The following TMCC1 variants were observed in gnomAD, a reference collection of about 807,000 sequenced individuals.
TMCC1 encodes transmembrane and coiled-coil domains protein 1.
Under a neutral mutation model 52.4 loss-of-function variants are expected in TMCC1, and 15 were observed. The ratio of observed to expected loss-of-function variants is 0.29; its 90% CI spans 0.19 to 0.44. TMCC1 has a LOEUF of 0.44. Among genes scored for constraint, TMCC1 ranks in the 20% least tolerant of loss-of-function variants. TMCC1 has a pLI of 1.00. For synonymous variants in TMCC1, 279 were observed against 301.9 expected (o/e 0.92, Z 0.79); for missense variants, 503 against 806.0 (o/e 0.62, Z 4.55).
chr3:129,672,856 C>CTAGGG (rs919100680), intron 4 of TMCC1, among the ~76,000 whole-genome samples: 4 of 152,070 alleles, frequency 2.6e-5, no homozygotes, highest in Non-Finnish European at 5.9e-5. Flanking sequence ...AATAATTAAC[C>CTAGGG]TAGGGATAAC....
intron 4 of TMCC1, among the ~76,000 whole-genome samples, chr3:129,673,059 G>T (rs1277690234): frequency 6.6e-6 from 1 of 152,098 alleles, no homozygotes; most frequent in Non-Finnish European, 1.5e-5. Context: ...AATCAAAAGA[G>T]AATTTAATAC....
intron 4 of TMCC1, among the ~76,000 whole-genome samples, chr3:129,811,971 GA>G (rs1170907280): frequency 6.7e-6 from 1 of 149,592 alleles, no homozygotes; most frequent in Non-Finnish European, 1.5e-5. Flanking sequence ...AAGAAAGAAA[GA>G]AATCAAGTTT....
At chr3:129,760,762 C>T (rs1428607701) in intron 4 of TMCC1, among the ~76,000 whole-genome samples, 1 of 151,474 alleles carries the variant, frequency 6.6e-6, no homozygotes, top group Non-Finnish European at 1.5e-5. Context: ...CAGGTGTGAG[C>T]CACCGCACCC....
chr3:129,886,679 C>T (rs753720964), intron 1 of TMCC1, among the ~76,000 whole-genome samples: 2 of 152,092 alleles, frequency 1.3e-5, no homozygotes, highest in South Asian at 2.1e-4. Context: ...ATGGCTCACA[C>T]CTGTAATCCC....
chr3:129,786,751 C>A (rs944396941), intron 4 of TMCC1, among the ~76,000 whole-genome samples: 2 of 152,152 alleles, frequency 1.3e-5, no homozygotes, highest in African/African-American at 4.8e-5. Flanking sequence ...TACTCGAGTT[C>A]CAATATATCA....
intron 4 of TMCC1, among the ~76,000 whole-genome samples, chr3:129,811,288 A>G (rs1560468160): frequency 6.6e-6 from 1 of 151,570 alleles, no homozygotes; most frequent in Non-Finnish European, 1.5e-5. Flanking sequence ...TTTTAGAGAT[A>G]GGATATCACT....
intron 4 of TMCC1, among the ~76,000 whole-genome samples, chr3:129,769,185 T>G (rs2054352427): frequency 6.6e-6 from 1 of 152,242 alleles, no homozygotes; most frequent in South Asian, 2.1e-4. Flanking sequence ...CAGGATGGCT[T>G]TGAATGCAGC....
intron 4 of TMCC1, among the ~76,000 whole-genome samples, chr3:129,764,293 G>T (rs1266719394): frequency 6.6e-6 from 1 of 152,134 alleles, no homozygotes; most frequent in Non-Finnish European, 1.5e-5. Flanking sequence ...TAGGCCTCAA[G>T]ATAAAAATTA....
chr3:129,678,110 G>A (rs2088621182), intron 4 of TMCC1, among the ~76,000 whole-genome samples: 1 of 152,006 alleles, frequency 6.6e-6, no homozygotes, highest in Non-Finnish European at 1.5e-5. Flanking sequence ...AGTGGAGGCG[G>A]GGTTTTGCCA....
At position 129,648,833 on chromosome 3, in the gene TMCC1, G is replaced by C. The variant is rs2086170563; in HGVS notation, c.*2648C>G. On this transcript the variant is annotated 3_prime_UTR_variant, in exon 7 of 7. Coordinates refer to ENST00000393238, the MANE Select transcript of TMCC1 (RefSeq NM_001017395.5). The stretch of plus-strand genomic sequence containing the variant: ...CAATGAAAGAAACTCAAAAGTAACA[G>C]GATGGGCAGCAAAAGGTACAGCAAA... The C allele has an allele frequency of 1.3e-5, 2 of 152,336 alleles. 1 individual carries two copies. Among genetic ancestry groups the C allele is most frequent in the South Asian group, 4.1e-4 (2 of 4,828 alleles). 9.4% of individuals were successfully genotyped at this position (152,336 alleles called of 1,614,324 possible).
chr3:129,748,291 T>TTTGTTGTTGTTG lies in TMCC1; in HGVS notation c.577-77039_577-77028dup, dbSNP rs527508552. 4.6e-5 allele frequency among the ~76,000 whole-genome samples: 7 copies of TTTGTTGTTGTTG among 152,188 alleles called. No individual in the cohort carries two copies. The East Asian group carries it at 1.4e-3, about 29-fold the overall frequency. On this transcript the variant is annotated intron_variant, in intron 4 of 6. Coordinates refer to ENST00000393238, the MANE Select transcript of TMCC1 (RefSeq NM_001017395.5). ...TGGGTAAATGGATGAGATTTGGGTT[T>TTTGTTGTTGTTG]TTGTTGTTGTTGTTGTTTTGAGAGG...
chr3:129,695,611 G>C (rs1316994099), intron 4 of TMCC1, among the ~76,000 whole-genome samples: 1 of 152,068 alleles, frequency 6.6e-6, no homozygotes, highest in African/African-American at 2.4e-5. Context: ...GAACTCACTA[G>C]CATGAGAACA....
At chr3:129,689,052 TTCTTC>T (rs1204413322) in intron 4 of TMCC1, among the ~76,000 whole-genome samples, 2 of 152,248 alleles carry the variant, frequency 1.3e-5, no homozygotes, top group Admixed American at 6.5e-5. Flanking sequence ...TTTGTAATGT[TTCTTC>T]TCTTATTTTT....
intron 4 of TMCC1, among the ~76,000 whole-genome samples, chr3:129,696,025 G>C (rs996129285): frequency 7.9e-5 from 12 of 152,148 alleles, no homozygotes; most frequent in Admixed American, 3.9e-4. Flanking sequence ...AAATGGCCTT[G>C]CAAGGCCATG....
chr3:129,817,364 G>A (rs1361278188), intron 4 of TMCC1, among the ~76,000 whole-genome samples: 2 of 151,402 alleles, frequency 1.3e-5, no homozygotes, highest in African/African-American at 4.9e-5. Flanking sequence ...TGGGAGGATC[G>A]CTTGAGCCCA....
intron 4 of TMCC1, among the ~76,000 whole-genome samples, chr3:129,808,807 G>GA (rs557657753): frequency 1.4e-3 from 167 of 118,742 alleles, no homozygotes; most frequent in African/African-American, 4.4e-3. Context: ...ATCCAAAACA[G>GA]AAAAAAAAAT....
intron 4 of TMCC1, among the ~76,000 whole-genome samples, chr3:129,727,337 T>A (rs566060626): frequency 6.6e-6 from 1 of 152,252 alleles, no homozygotes; most frequent in South Asian, 2.1e-4. Flanking sequence ...AATTCTGAGA[T>A]TGTCTATAGT....
chr3:129,723,064 A>C (rs1401362029), intron 4 of TMCC1, among the ~76,000 whole-genome samples: 3 of 152,220 alleles, frequency 2.0e-5, no homozygotes, highest in Admixed American at 6.5e-5. Context: ...CTTAGAAAAT[A>C]TGTATCATTT....
intron 1 of TMCC1, among the ~76,000 whole-genome samples, chr3:129,882,190 C>G (rs1409347503): frequency 6.6e-6 from 1 of 151,918 alleles, no homozygotes; most frequent in African/African-American, 2.4e-5. Context: ...CAAAAACAAC[C>G]TGATAAAAAT....
Sources: gnomAD v4.1 joint callset for allele counts (sites outside exome capture counted in the v4.1 genomes callset) on GRCh38, gnomAD v4.1.1 for gene constraint, MANE v1.5 for transcripts, NCBI Gene and HGNC (gene_info 2026-07-23, HGNC 2026-07-21) for gene names.